Variants in CUX2 observed in about 807,000 individuals in gnomAD.
The protein encoded by CUX2 is cut like homeobox 2.
Under a neutral mutation model 144.8 loss-of-function variants are expected in CUX2, and 40 were observed. The ratio of observed to expected loss-of-function variants is 0.28; its 90% CI spans 0.21 to 0.36. CUX2 has a LOEUF of 0.36. Ranked by LOEUF, CUX2 falls within the 10% of genes least tolerant of loss-of-function variation. The probability of loss-of-function intolerance (pLI) is 1.00; values close to 1 mark genes in which losing one functional copy is unlikely to be tolerated. For synonymous variants in CUX2, 827 were observed against 875.6 expected, an observed-to-expected ratio of 0.94 and a Z score of 0.98; for missense variants, 1,615 against 1,994.0, an observed-to-expected ratio of 0.81 and a Z score of 3.62.
intron 10 of CUX2, among the ~76,000 whole-genome samples, chr12:111,306,178 C>G (rs1388300134): frequency 2.0e-5 from 3 of 152,140 alleles, no homozygotes; most frequent in South Asian, 4.1e-4. Flanking sequence ...GGGAACTTTG[C>G]TGGTTTGGGG....
intron 1 of CUX2, among the ~76,000 whole-genome samples, chr12:111,082,389 A>G (rs1245559204): frequency 6.6e-6 from 1 of 152,196 alleles, no homozygotes; most frequent in Non-Finnish European, 1.5e-5. Flanking sequence ...TGATTCCAGG[A>G]GTTTTCTGAA....
chr12:111,113,617 C>T (rs539600299), intron 1 of CUX2, among the ~76,000 whole-genome samples: 3 of 152,268 alleles, frequency 2.0e-5, no homozygotes, highest in Non-Finnish European at 2.9e-5. Flanking sequence ...TGCAGTGGCA[C>T]GATCTCAGCT....
chr12:111,199,337 T>C (rs1230386235), intron 1 of CUX2, among the ~76,000 whole-genome samples: 3 of 152,182 alleles, frequency 2.0e-5, no homozygotes, highest in East Asian at 1.9e-4. Context: ...CATTCTGTAC[T>C]TCAGTACTAC....
intron 1 of CUX2, among the ~76,000 whole-genome samples, chr12:111,055,953 T>A (rs992170007): frequency 6.6e-6 from 1 of 152,234 alleles, no homozygotes; most frequent in Non-Finnish European, 1.5e-5. Context: ...GCAGGCCACT[T>A]AGCTGCGTGG....
At chr12:111,239,668 T>C (rs1457507724) in intron 3 of CUX2, among the ~76,000 whole-genome samples, 2 of 152,342 alleles carry the variant, frequency 1.3e-5, no homozygotes, top group Non-Finnish European at 2.9e-5. Flanking sequence ...TCCCTTTTTT[T>C]CCCATCTTGT....
At chr12:111,175,986 C>T (rs1414005006) in intron 1 of CUX2, among the ~76,000 whole-genome samples, 2 of 150,232 alleles carry the variant, frequency 1.3e-5, no homozygotes, top group Non-Finnish European at 3.0e-5. Context: ...GTGCTTTTCC[C>T]TAGATTGGGG....
intron 1 of CUX2, among the ~76,000 whole-genome samples, chr12:111,112,522 G>A (rs559754955): frequency 6.6e-6 from 1 of 152,194 alleles, no homozygotes; most frequent in East Asian, 1.9e-4. Flanking sequence ...ATCTGTCTGG[G>A]CGTGGGGAAG....
chr12:111,227,209 A>G (rs1882197857), intron 3 of CUX2, among the ~76,000 whole-genome samples: 1 of 152,214 alleles, frequency 6.6e-6, no homozygotes, highest in South Asian at 2.1e-4. Flanking sequence ...GCGTTCAGGA[A>G]GGATTTGAGT....
At chr12:111,137,512 C>T (rs1875978152) in intron 1 of CUX2, among the ~76,000 whole-genome samples, 1 of 151,868 alleles carries the variant, frequency 6.6e-6, no homozygotes, top group African/African-American at 2.4e-5. Flanking sequence ...TATTTATTTA[C>T]TTATTTAAAT....
chr12:111,039,969 T>C lies in CUX2; in HGVS notation c.63+5729T>C, dbSNP rs1441587004. ...AGCCCTTCACCAAAATGGCTTGTAG[T>C]GTTTTGGAGGATGTAGACATTATAT... On this transcript the variant is annotated intron_variant, in intron 1 of 21. Coordinates refer to ENST00000261726, the MANE Select transcript of CUX2 (RefSeq NM_015267.4). The surrounding 1 kb of genome is among the most constrained non-coding windows in gnomAD (Gnocchi z 4.2). Among the ~76,000 whole-genome samples, 2 of 152,148 alleles carry C rather than the reference T, an allele frequency of 1.3e-5. No homozygotes were observed. The highest frequency in any genetic ancestry group is 1.3e-4 in the Admixed American group (2 of 15,278).
At chr12:111,345,011 C>A (rs1319761307) in intron 21 of CUX2, among the ~76,000 whole-genome samples, 2 of 152,072 alleles carry the variant, frequency 1.3e-5, no homozygotes, top group Non-Finnish European at 2.9e-5. Context: ...TCAAGTGATC[C>A]ACCTGCCTTG....
intron 3 of CUX2, among the ~76,000 whole-genome samples, chr12:111,245,982 G>A (rs1346862135): frequency 6.6e-6 from 1 of 152,144 alleles, no homozygotes; most frequent in Non-Finnish European, 1.5e-5. Context: ...TGAAGGAGTG[G>A]CCTGTACCCC....
chr12:111,283,174 C>T (rs539768902), intron 4 of CUX2, among the ~76,000 whole-genome samples: 1 of 151,862 alleles, frequency 6.6e-6, no homozygotes, highest in South Asian at 2.1e-4. Flanking sequence ...GCCAAGATCG[C>T]GCCACTGTAC....
At chr12:111,165,255 A>G (rs1482348896) in intron 1 of CUX2, among the ~76,000 whole-genome samples, 4 of 152,100 alleles carry the variant, frequency 2.6e-5, no homozygotes, top group Non-Finnish European at 4.4e-5. Flanking sequence ...TAGGGAAGAG[A>G]TGCATCTTTC....
At chr12:111,162,768 A>G (rs1462686954) in intron 1 of CUX2, among the ~76,000 whole-genome samples, 3 of 152,212 alleles carry the variant, frequency 2.0e-5, no homozygotes, top group Admixed American at 2.0e-4. Context: ...GGTAAGGGCC[A>G]GGTGTGGTGG....
In CUX2 at chr12:111,037,354, C is replaced by G. The variant is rs1351339826; in HGVS notation, c.63+3114C>G. Among the ~76,000 whole-genome samples, 2 of 152,244 alleles carry G rather than the reference C, an allele frequency of 1.3e-5. No individual in the cohort carries two copies. Among genetic ancestry groups the G allele is most frequent in the Non-Finnish European group, 2.9e-5 (2 of 68,052 alleles). On this transcript the variant is annotated intron_variant, in intron 1 of 21. Transcript: ENST00000261726. This position sits in a 1 kb window ranked among gnomAD's most constrained non-coding sequence, Gnocchi z 5.4. ...TACCGATCCTGGCAAGAAAGGTGAC[C>G]TTGTACCAGCCCGGTGTCCAGCCCT...
intron 18 of CUX2, among the ~76,000 whole-genome samples, chr12:111,323,682 G>A (rs1887641323): frequency 6.6e-6 from 1 of 152,026 alleles, no homozygotes; most frequent in South Asian, 2.1e-4. Context: ...CCAGCTACTC[G>A]GGAGGCTGAG....
intron 3 of CUX2, among the ~76,000 whole-genome samples, chr12:111,256,157 C>T (rs1480774287): frequency 2.6e-5 from 4 of 152,148 alleles, no homozygotes; most frequent in Admixed American, 2.0e-4. Flanking sequence ...CCATCGGCCC[C>T]TACCCACCGC....
At chr12:111,243,269 T>TC (rs1883119744) in intron 3 of CUX2, among the ~76,000 whole-genome samples, 1 of 152,184 alleles carries the variant, frequency 6.6e-6, no homozygotes, top group South Asian at 2.1e-4. Context: ...TGAAGAAAAC[T>TC]CAAGTCATTG....
Sources: allele counts gnomAD v4.1 joint callset (sites outside exome capture counted in the v4.1 genomes callset), GRCh38; gene constraint gnomAD v4.1.1; non-coding constraint Gnocchi (gnomAD v3.1); transcripts MANE v1.5; gene names NCBI Gene and HGNC (gene_info 2026-07-23, HGNC 2026-07-21).